Variants in ANKS1B observed in about 807,000 individuals in gnomAD.
The protein encoded by ANKS1B is ankyrin repeat and sterile alpha motif domain-containing protein 1B.
A neutral mutation model predicts 148.3 loss-of-function variants in ANKS1B; 36 were observed. The ratio of observed to expected loss-of-function variants is 0.24; its 90% CI spans 0.19 to 0.32. The LOEUF (loss-of-function observed/expected upper bound fraction) is 0.32, where lower values mean the gene tolerates loss of function less well. ANKS1B is among the 10% of genes least tolerant of loss of function. The probability of loss-of-function intolerance (pLI) is 1.00; values close to 1 mark genes in which losing one functional copy is unlikely to be tolerated. For synonymous variants in ANKS1B, 542 were observed against 560.8 expected (o/e 0.97, Z 0.47); for missense variants, 1,157 against 1,542.6 (o/e 0.75, Z 4.19).
intron 15 of ANKS1B, among the ~76,000 whole-genome samples, chr12:99,145,073 G>T (rs547296067): frequency 1.7e-4 from 26 of 152,094 alleles, no homozygotes; most frequent in Non-Finnish European, 3.4e-4. Context: ...AGGGGAAGAA[G>T]TTTGGAAAAG....
At chr12:98,763,693 T>G (rs1330871849) in intron 25 of ANKS1B, among the ~76,000 whole-genome samples, 3 of 152,234 alleles carry the variant, frequency 2.0e-5, no homozygotes, top group African/African-American at 7.2e-5. Context: ...TATGAATATT[T>G]AAATATGAAT....
intron 22 of ANKS1B, among the ~76,000 whole-genome samples, chr12:98,790,931 T>C (rs2153554200): frequency 6.6e-6 from 1 of 152,264 alleles, no homozygotes; most frequent in South Asian, 2.1e-4. Context: ...AAGGGTGTTA[T>C]ATGGGAGAAA....
chr12:99,379,886 G>A (rs749474196), intron 12 of ANKS1B, among the ~76,000 whole-genome samples: 7 of 152,190 alleles, frequency 4.6e-5, no homozygotes, highest in Non-Finnish European at 1.0e-4. Flanking sequence ...TCTGAAAGTT[G>A]TATGAATTTC....
intron 9 of ANKS1B, among the ~76,000 whole-genome samples, chr12:99,634,841 G>A (rs2098216551): frequency 6.6e-6 from 1 of 152,106 alleles, no homozygotes; most frequent in Non-Finnish European, 1.5e-5. Context: ...GGCAATCTAT[G>A]AAATGGGAGA....
At chr12:98,858,782 C>T (rs755373389) in intron 17 of ANKS1B, among the ~76,000 whole-genome samples, 65 of 152,304 alleles carry the variant, frequency 4.3e-4, no homozygotes, top group Non-Finnish European at 8.1e-4. Flanking sequence ...ACTTCTCTGG[C>T]ACTACTGGAA....
intron 17 of ANKS1B, among the ~76,000 whole-genome samples, chr12:99,020,071 CT>C (rs78780839): frequency 0.3 from 43,855 of 147,622 alleles, 6,868 homozygotes; most frequent in African/African-American, 0.42. Context: ...CTCCATCTTT[CT>C]TTTTTTTTTT....
chr12:99,454,465 C>T (rs1364621237), intron 10 of ANKS1B, among the ~76,000 whole-genome samples: 1 of 152,192 alleles, frequency 6.6e-6, no homozygotes, highest in Admixed American at 6.5e-5. Flanking sequence ...GAAGTTCTAG[C>T]AAAGAGTCAA....
intron 17 of ANKS1B, among the ~76,000 whole-genome samples, chr12:99,013,401 G>A (rs187030865): frequency 1.3e-5 from 2 of 150,000 alleles, no homozygotes; most frequent in East Asian, 4.0e-4. Flanking sequence ...TAATTTATTA[G>A]TCTGTTTATC....
chr12:99,167,245 C>T (rs1440774839), intron 14 of ANKS1B, among the ~76,000 whole-genome samples: 3 of 151,840 alleles, frequency 2.0e-5, no homozygotes, highest in Admixed American at 6.6e-5. Context: ...AAATGATAAA[C>T]AACTAAAATT....
At chr12:99,548,101 T>C (rs1031922960) in intron 9 of ANKS1B, among the ~76,000 whole-genome samples, 1 of 152,212 alleles carries the variant, frequency 6.6e-6, no homozygotes. Context: ...CAGAACAATA[T>C]TGAATTTTCT....
intron 8 of ANKS1B, among the ~76,000 whole-genome samples, chr12:99,681,639 A>C (rs1366667184): frequency 6.6e-6 from 1 of 152,198 alleles, no homozygotes; most frequent in Non-Finnish European, 1.5e-5. Context: ...GAGGAAGGGG[A>C]AGAACACCAC....
At position 99,768,645 on chromosome 12, in the gene ANKS1B, G is replaced by C. The variant is rs181393353; in HGVS notation, c.1128+4277C>G. 2.3e-3 allele frequency among the ~76,000 whole-genome samples: 348 copies of C among 151,992 alleles called. 1 individual carries two copies. Among genetic ancestry groups the C allele is most frequent in the Non-Finnish European group, 3.7e-3 (253 of 67,966 alleles). On this transcript the variant is annotated intron_variant, in intron 8 of 26. Coordinates refer to ENST00000683438, the MANE Select transcript of ANKS1B (RefSeq NM_001352186.2). ...GATCGAGACCATCGTGGCCAACATG[G>C]TGAAACCCCGTGTCTACTAAAATAC...
At chr12:99,969,012 TATAA>T (rs2095525244) in intron 1 of ANKS1B, among the ~76,000 whole-genome samples, 1 of 152,218 alleles carries the variant, frequency 6.6e-6, no homozygotes, top group Non-Finnish European at 1.5e-5. Flanking sequence ...CTCTTTTCTT[TATAA>T]ATTATCCAGC....
chr12:99,528,422 A>C (rs962424298), intron 9 of ANKS1B, among the ~76,000 whole-genome samples: 1 of 123,320 alleles, frequency 8.1e-6, no homozygotes, highest in Non-Finnish European at 1.7e-5. Context: ...AAACAGAACA[A>C]AAACAAAAAC....
At chr12:99,475,492 T>C (rs1304802716) in intron 10 of ANKS1B, among the ~76,000 whole-genome samples, 1 of 151,778 alleles carries the variant, frequency 6.6e-6, no homozygotes, top group Non-Finnish European at 1.5e-5. Flanking sequence ...AAAAACTATA[T>C]ATTTTATTAA....
chr12:99,850,281 G>GTCTCTCCCTCTCTCCCTCTCTCTCTC (rs57015094), intron 1 of ANKS1B, among the ~76,000 whole-genome samples: 1 of 114,206 alleles, frequency 8.8e-6, no homozygotes, highest in African/African-American at 3.6e-5. Flanking sequence ...AAGCAAGAAA[G>GTCTCTCCCTCTCTCCCTCTCTCTCTC]TCTCTCTCTC....
At chr12:99,047,151 G>C (rs942999079) in intron 17 of ANKS1B, among the ~76,000 whole-genome samples, 3 of 152,210 alleles carry the variant, frequency 2.0e-5, no homozygotes, top group Non-Finnish European at 4.4e-5. Flanking sequence ...TGTAATCCCA[G>C]CACTTTGGGA....
intron 3 of ANKS1B, among the ~76,000 whole-genome samples, chr12:99,811,360 TAA>T (rs762104125): frequency 2.0e-4 from 30 of 151,982 alleles, no homozygotes; most frequent in Admixed American, 5.9e-4. Context: ...GCCGTGATTG[TAA>T]TTCAATTGTT....
Position 98,813,193 on chromosome 12 carries a change from G to A in ANKS1B, c.3067-5275C>T, listed in dbSNP as rs185740500. Among the ~76,000 whole-genome samples, 744 of 151,860 alleles carry A rather than the reference G, an allele frequency of 4.9e-3. 19 individuals carry two copies. Among genetic ancestry groups the A allele is most frequent in the Non-Finnish European group, 1.7e-3 (115 of 67,910 alleles). On this transcript the variant is annotated intron_variant, in intron 19 of 26. Coordinates refer to ENST00000683438, the MANE Select transcript of ANKS1B (RefSeq NM_001352186.2). ...ATCTGGGGCCCAAATTCCTAGAAAA[G>A]TAGTGAGTTAAGTTTTTTTGTTTTT... is the stretch of plus-strand genomic sequence containing the variant.
Sources: gnomAD v4.1 joint callset for allele counts (sites outside exome capture counted in the v4.1 genomes callset) on GRCh38, gnomAD v4.1.1 for gene constraint, MANE v1.5 for transcripts, NCBI Gene and HGNC (gene_info 2026-07-23, HGNC 2026-07-21) for gene names.